FARS2: variants seen among roughly 807,000 people sequenced by gnomAD.
FARS2 encodes the protein phenylalanine--tRNA ligase, mitochondrial.
Under a neutral mutation model 46.4 loss-of-function variants are expected in FARS2, and 40 were observed. The observed-to-expected ratio is 0.86, with a 90% CI of 0.67 to 1.12. The LOEUF is 1.12. Ranked by LOEUF, FARS2 falls within the 50% of genes most tolerant of loss-of-function variation. FARS2 has a pLI of 0.00. For synonymous variants in FARS2, 234 were observed against 214.9 expected (o/e 1.09, Z -0.78); for missense variants, 513 against 567.9 (o/e 0.90, Z 0.98).
rs1332435546 is a variant in FARS2, at chr6:5,374,692, T to C, written c.612+5510T>C. ...AGATTATTCCTTTTTAATGAACAGA[T>C]ATAGAATTATTAAATGAAATATTTG... On this transcript the variant is annotated intron_variant, in intron 2 of 6. Transcript: ENST00000274680. Among the ~76,000 whole-genome samples, 4 of 152,074 alleles carry C rather than the reference T, an allele frequency of 2.6e-5. No individual in the cohort carries two copies. In the East Asian group the frequency reaches 7.7e-4, roughly 29 times the overall value.
chr6:5,376,410 C>A (rs190989243), intron 2 of FARS2, among the ~76,000 whole-genome samples: 1 of 152,246 alleles, frequency 6.6e-6, no homozygotes, highest in Non-Finnish European at 1.5e-5. Flanking sequence ...AGGAACTGTC[C>A]ATCTTATAGC....
At chr6:5,310,427 G>A (rs1393028364) in intron 1 of FARS2, among the ~76,000 whole-genome samples, 1 of 151,050 alleles carries the variant, frequency 6.6e-6, no homozygotes, top group African/African-American at 2.4e-5. Flanking sequence ...ACCTACAAAG[G>A]CAGTCAAAAG....
At chr6:5,345,723 T>C (rs947664961) in intron 1 of FARS2, among the ~76,000 whole-genome samples, 1 of 152,224 alleles carries the variant, frequency 6.6e-6, no homozygotes, top group Non-Finnish European at 1.5e-5. Context: ...ATGTTCCCTT[T>C]CCACCATTCT....
At chr6:5,309,597 C>A (rs1490959995) in intron 1 of FARS2, among the ~76,000 whole-genome samples, 1 of 152,010 alleles carries the variant, frequency 6.6e-6, no homozygotes, top group Non-Finnish European at 1.5e-5. Context: ...GAAATAGGAT[C>A]TTATGACAGC....
At chr6:5,708,371 G>T (rs1758897467) in intron 6 of FARS2, among the ~76,000 whole-genome samples, 1 of 152,010 alleles carries the variant, frequency 6.6e-6, no homozygotes, top group South Asian at 2.1e-4. Context: ...ACCTGTCACT[G>T]GCCAGCTCAC....
intron 3 of FARS2, among the ~76,000 whole-genome samples, chr6:5,418,874 T>TTTA (rs111451171): frequency 0.26 from 39,288 of 149,952 alleles, 5,328 homozygotes; most frequent in Middle Eastern, 0.3. Flanking sequence ...TATTTGTCTT[T>TTTA]TTATTATTAT....
At chr6:5,541,635 G>A (rs1770643381) in intron 4 of FARS2, among the ~76,000 whole-genome samples, 1 of 151,950 alleles carries the variant, frequency 6.6e-6, no homozygotes, top group Non-Finnish European at 1.5e-5. Flanking sequence ...TTATTACTAG[G>A]TCATATTCTG....
intron 1 of FARS2, among the ~76,000 whole-genome samples, chr6:5,270,263 C>T (rs972083795): frequency 1.2e-4 from 18 of 152,174 alleles, no homozygotes; most frequent in Non-Finnish European, 2.4e-4. Flanking sequence ...TCTTGGAGCA[C>T]TTTGAGACAA....
chr6:5,313,968 GAA>G lies in FARS2; in HGVS notation c.-22+52311_-22+52312del, dbSNP rs1377592976. ...TAGTGTGCTGGGGCATTGGGAATTA[GAA>G]AAGTTTCTCAGATTACAACGTATAG... On this transcript the variant is annotated intron_variant, in intron 1 of 6. Coordinates refer to ENST00000274680, the MANE Select transcript of FARS2 (RefSeq NM_006567.5). 3.3e-5 allele frequency among the ~76,000 whole-genome samples: 5 copies of G among 152,310 alleles called. No individual in the cohort carries two copies. In the East Asian group the frequency reaches 9.6e-4, roughly 29 times the overall value.
chr6:5,769,002 T>C (rs1480655186), intron 6 of FARS2, among the ~76,000 whole-genome samples: 5 of 152,252 alleles, frequency 3.3e-5, no homozygotes, highest in African/African-American at 1.2e-4. Context: ...TTTATCATTT[T>C]TTTTAATTTT....
rs189404234 is a variant in FARS2 at position 5,636,128 on chromosome 6, G to C, written c.1217+22808G>C. Among the ~76,000 whole-genome samples the C allele has an allele frequency of 2.0e-5, 3 of 152,110 alleles. No homozygotes were observed. In the East Asian group the frequency reaches 5.8e-4, roughly 29 times the overall value. On this transcript the variant is annotated intron_variant, in intron 6 of 6. Transcript: ENST00000274680. ...TTTTTTTAATCAGCATTTCTCTTTG[G>C]AGATGTTAATGAGCATCCCCAAATT...
intron 5 of FARS2, among the ~76,000 whole-genome samples, chr6:5,602,914 A>G (rs1774620560): frequency 6.6e-6 from 1 of 152,158 alleles, no homozygotes; most frequent in Non-Finnish European, 1.5e-5. Flanking sequence ...CTAGAACACT[A>G]TGACGTCTGG....
intron 3 of FARS2, among the ~76,000 whole-genome samples, chr6:5,414,811 G>GTTTTTTTTTTTTTTTTTTTTTT (rs35210878): frequency 1.2e-5 from 1 of 86,680 alleles, no homozygotes; most frequent in Admixed American, 1.5e-4. Flanking sequence ...GTATATGACT[G>GTTTTTTTTTTTTTTTTTTTTTT]TTTTTTTTTT....
intron 6 of FARS2, among the ~76,000 whole-genome samples, chr6:5,702,091 C>T (rs1168995326): frequency 6.6e-6 from 1 of 152,182 alleles, no homozygotes; most frequent in Non-Finnish European, 1.5e-5. Context: ...TCTTGACATT[C>T]CTCCCTTTCC....
intron 1 of FARS2, among the ~76,000 whole-genome samples, chr6:5,329,412 T>TTTTTG (rs1215362711): frequency 6.6e-6 from 1 of 152,204 alleles, no homozygotes; most frequent in Non-Finnish European, 1.5e-5. Context: ...TCAACCTGTT[T>TTTTTG]TTTTGTTTTG....
At position 5,730,735 on chromosome 6, in the gene FARS2, C is replaced by T. The variant is rs150995331; in HGVS notation, c.1218-40556C>T. On this transcript the variant is annotated intron_variant, in intron 6 of 6. Coordinates refer to ENST00000274680, the MANE Select transcript of FARS2 (RefSeq NM_006567.5). The stretch of plus-strand genomic sequence containing the variant: ...AGGTCATGAGCAAAGTCTTCACTTA[C>T]TCTTATTAAATGGTTCTTTTGGTAG... 7.2e-5 allele frequency among the ~76,000 whole-genome samples: 11 copies of T among 152,278 alleles called. No individual in the cohort carries two copies. The East Asian group carries it at 9.6e-4, about 13-fold the overall frequency.
Position 5,338,597 on chromosome 6 carries a change from G to A in FARS2, c.-21-29953G>A, listed in dbSNP as rs1771334709. Among the ~76,000 whole-genome samples the A allele has an allele frequency of 3.0e-5, 3 of 100,962 alleles. No homozygotes were observed. In the South Asian group the frequency reaches 1.1e-3, roughly 36 times the overall value. The allele number at this position is 100,962 out of a possible 152,430, so 66.2% of individuals were successfully genotyped here. ...CCCACCCACCCAACCCACCTGCACA[G>A]AAGTTTACCTCTTTGATAGAACTCT... is the stretch of plus-strand genomic sequence containing the variant. On this transcript the variant is annotated intron_variant, in intron 1 of 6. Transcript: ENST00000274680.
At chr6:5,705,390 C>T (rs185634139) in intron 6 of FARS2, among the ~76,000 whole-genome samples, 16 of 152,210 alleles carry the variant, frequency 1.1e-4, no homozygotes, top group East Asian at 9.6e-4. Flanking sequence ...GAGTTGCATG[C>T]GCCATGAAGA....
intron 4 of FARS2, among the ~76,000 whole-genome samples, chr6:5,470,528 A>ATG (rs1232087951): frequency 1.3e-5 from 2 of 152,218 alleles, no homozygotes; most frequent in Non-Finnish European, 2.9e-5. Context: ...TCATTACATA[A>ATG]TGGAAAAAAG....
Sources: gnomAD v4.1 joint callset for allele counts (sites outside exome capture counted in the v4.1 genomes callset) on GRCh38, gnomAD v4.1.1 for gene constraint, MANE v1.5 for transcripts, NCBI Gene and HGNC (gene_info 2026-07-23, HGNC 2026-07-21) for gene names.